The following CCDC125 variants were observed in gnomAD, a reference collection of about 807,000 sequenced individuals.
The protein encoded by CCDC125 is coiled-coil domain containing 125.
A neutral mutation model predicts 57.4 loss-of-function variants in CCDC125; 43 were observed. That is an observed-to-expected ratio of 0.75 (90% CI 0.59 to 0.97). The LOEUF is 0.97. CCDC125 is among the 50% of genes least tolerant of loss of function. CCDC125 has a pLI of 0.00. For synonymous variants in CCDC125, 187 were observed against 195.2 expected (o/e 0.96, Z 0.35); for missense variants, 563 against 595.7 (o/e 0.95, Z 0.57).
At chr5:69,276,030 TTTTTC>T (rs938139369), downstream of CCDC125, among the ~76,000 whole-genome samples, 8 of 152,016 alleles carry the variant, frequency 5.3e-5, no homozygotes, top group East Asian at 1.9e-4. Flanking sequence ...AGGGAGTCTT[TTTTTC>T]TTTTCTTTTT....
chr5:69,316,898 T>A (rs1231431028), intron 2 of CCDC125, among the ~76,000 whole-genome samples: 4 of 152,210 alleles, frequency 2.6e-5, no homozygotes, highest in African/African-American at 9.7e-5. Context: ...TTGGAAATTA[T>A]CTATTAGTGA....
chr5:69,326,929 A>T (rs941090016), intron 1 of CCDC125, among the ~76,000 whole-genome samples: 12 of 151,998 alleles, frequency 7.9e-5, no homozygotes, highest in African/African-American at 2.4e-4. Flanking sequence ...GGTGGTGCAC[A>T]CCTGTAGTCC....
chr5:69,328,502 T>C (rs1333333040), intron 1 of CCDC125, among the ~76,000 whole-genome samples: 1 of 151,504 alleles, frequency 6.6e-6, no homozygotes, highest in East Asian at 1.9e-4. Flanking sequence ...AAAATAAAAA[T>C]AAAAATAAAA....
downstream of CCDC125, among the ~76,000 whole-genome samples, chr5:69,279,978 A>G (rs952174679): frequency 3.3e-5 from 5 of 152,138 alleles, no homozygotes; most frequent in African/African-American, 9.7e-5. Flanking sequence ...AGGAGAGACT[A>G]CCATGTATAA....
intron 10 of CCDC125, 80 bp from the exon 11 acceptor site, chr5:69,285,547 C>A: frequency 7.1e-7 from 1 of 1,416,464 alleles, no homozygotes; most frequent in Non-Finnish European, 9.6e-7. Context: ...GTAACTTGAT[C>A]TCTAGGACAA....
At chr5:69,275,921 A>G (rs2150246210), downstream of CCDC125, among the ~76,000 whole-genome samples, 1 of 152,360 alleles carries the variant, frequency 6.6e-6, no homozygotes, top group East Asian at 1.9e-4. Flanking sequence ...TGTATATGCA[A>G]ATATTCCACA....
At chr5:69,314,221 C>G (rs1282613642) in intron 2 of CCDC125, among the ~76,000 whole-genome samples, 175 bp from the exon 3 acceptor site, 1 of 152,042 alleles carries the variant, frequency 6.6e-6, no homozygotes, top group South Asian at 2.1e-4. Context: ...TCCCAGCACT[C>G]TGGGAGGCCG....
At chr5:69,286,989 T>G (rs1270834483) in intron 10 of CCDC125, among the ~76,000 whole-genome samples, 1 of 100,136 alleles carries the variant, frequency 1.0e-5, no homozygotes, top group Non-Finnish European at 2.2e-5. Context: ...CCCAGGAGTT[T>G]AAGATAAAAA....
At chr5:69,328,139 G>A (rs1437444639) in intron 1 of CCDC125, among the ~76,000 whole-genome samples, 6 of 152,090 alleles carry the variant, frequency 3.9e-5, no homozygotes, top group Non-Finnish European at 7.4e-5. Flanking sequence ...CAGGCCATCC[G>A]CTCACCTCTG....
chr5:69,287,163 G>A (rs972732681), intron 10 of CCDC125, among the ~76,000 whole-genome samples: 1 of 151,818 alleles, frequency 6.6e-6, no homozygotes, highest in African/African-American at 2.4e-5. Context: ...TAAGATTACT[G>A]AAATATACTA....
the CCDC125 span, chr5:69,273,056 C>CT: frequency 1.4e-6 from 2 of 1,448,974 alleles, no homozygotes; most frequent in Non-Finnish European, 1.9e-6. Flanking sequence ...TTTGGTGTAT[C>CT]TTTTTTATAC....
At chr5:69,305,981 A>C (rs1261603857) in intron 6 of CCDC125, among the ~76,000 whole-genome samples, 1 of 152,240 alleles carries the variant, frequency 6.6e-6, no homozygotes, top group Non-Finnish European at 1.5e-5. Flanking sequence ...GTATAATTTA[A>C]AGTTATTAAA....
intron 2 of CCDC125, among the ~76,000 whole-genome samples, chr5:69,314,571 T>C (rs555699810): frequency 6.6e-5 from 10 of 152,128 alleles, no homozygotes; most frequent in Non-Finnish European, 1.3e-4. Context: ...ATTTTTTGAA[T>C]AGACTCTAAG....
chr5:69,275,187 A>G (rs1024979474), downstream of CCDC125, among the ~76,000 whole-genome samples: 3 of 152,042 alleles, frequency 2.0e-5, no homozygotes, highest in Non-Finnish European at 2.9e-5. Context: ...TAGTAGGGGG[A>G]AAAAAAGAGA....
chr5:69,283,995 T>TA, intron 11 of CCDC125, among the ~76,000 whole-genome samples: 1 of 151,658 alleles, frequency 6.6e-6, no homozygotes, highest in South Asian at 2.1e-4. Context: ...TTCACCGTGT[T>TA]AGTCAGGATG....
At chr5:69,329,086 C>A (rs1025527802) in intron 1 of CCDC125, among the ~76,000 whole-genome samples, 16 of 152,304 alleles carry the variant, frequency 1.1e-4, no homozygotes, top group Non-Finnish European at 2.2e-4. Flanking sequence ...AGCCACCACG[C>A]CCGGCCTACC....
intron 7 of CCDC125, 115 bp downstream of exon 7, chr5:69,303,731 TA>T: frequency 3.2e-6 from 2 of 632,200 alleles, no homozygotes; most frequent in Non-Finnish European, 5.3e-6. Context: ...TTCTTAAATT[TA>T]AAAAACCTAA....
intron 4 of CCDC125, chr5:69,310,311 T>C (rs186928059): frequency 8.5e-5 from 13 of 152,394 alleles, no homozygotes; most frequent in African/African-American, 3.1e-4. Context: ...AGGGACCCAG[T>C]GGGAGATAGT....
At chr5:69,293,973 A>T (rs923527167) in intron 9 of CCDC125, 1 of 155,982 alleles carries the variant, frequency 6.4e-6, no homozygotes, top group African/African-American at 2.4e-5. Flanking sequence ...CATCCAAGGT[A>T]GTTATTACCC....
Sources: allele counts gnomAD v4.1 joint callset (sites outside exome capture counted in the v4.1 genomes callset), GRCh38; gene constraint gnomAD v4.1.1; transcripts MANE v1.5; gene names NCBI Gene and HGNC (gene_info 2026-07-23, HGNC 2026-07-21).